The following DARS1 variants were observed in gnomAD, a reference collection of about 807,000 sequenced individuals.
DARS1 encodes aspartate--tRNA ligase, cytoplasmic.
In DARS1, 51 loss-of-function variants were observed where a neutral mutation model predicts 68.8. That is an observed-to-expected ratio of 0.74 (90% CI 0.59 to 0.94). DARS1 has a LOEUF of 0.94. DARS1 is among the 40% of genes least tolerant of loss of function. The pLI is 0.00. For synonymous variants in DARS1, 203 were observed against 190.4 expected, an observed-to-expected ratio of 1.07 and a Z score of -0.55; for missense variants, 607 against 597.3, an observed-to-expected ratio of 1.02 and a Z score of -0.17.
chr2:135,927,285 A>G (rs1681240891), intron 7 of DARS1, among the ~76,000 whole-genome samples: 1 of 152,150 alleles, frequency 6.6e-6, no homozygotes, highest in South Asian at 2.1e-4. Flanking sequence ...ATCTATCTCA[A>G]ATTAAATGCT....
At chr2:135,978,737 C>T (rs1311110993) in intron 3 of DARS1, among the ~76,000 whole-genome samples, 5 of 152,110 alleles carry the variant, frequency 3.3e-5, no homozygotes, top group African/African-American at 4.8e-5. Context: ...AAATGGGAGC[C>T]GTTAGCCACA....
chr2:135,943,302 C>T (rs920663158), intron 5 of DARS1, 76 bp downstream of exon 5: 47 of 1,540,246 alleles, frequency 3.1e-5, no homozygotes, highest in Non-Finnish European at 4.1e-5. Flanking sequence ...TTAGTAAGAA[C>T]ATATAAATTT....
chr2:135,920,529 A>G lies in DARS1; in HGVS notation c.883T>C (p.Phe295Leu). 1.2e-6 allele frequency: 2 copies of G among 1,613,834 alleles called. No homozygotes were observed. Among genetic ancestry groups the G allele is most frequent in the East Asian group, 4.5e-5 (2 of 44,804 alleles). Residue 295 changes from phenylalanine to leucine, a missense_variant, in exon 10 of 16, where the codon TTT becomes CTT. Phe to Leu is a conservative substitution (Grantham distance 22). Transcript: ENST00000264161. The part of the protein sequence containing the change: ...EFVGLDIEMA[F>L]NYHYHEVMEE... ...ATAACTTCGTGGTAATGGTAATTAA[A>G]AGCCATTTCAATGTCCAAACCAACA...
At chr2:135,909,099 C>T (rs1680846077) in intron 15 of DARS1, among the ~76,000 whole-genome samples, 1 of 131,134 alleles carries the variant, frequency 7.6e-6, no homozygotes, top group Middle Eastern at 3.9e-3. Context: ...CACATGGACA[C>T]AGGGAGGGGA....
At chr2:135,907,786 T>C (rs1480335618) in intron 15 of DARS1, among the ~76,000 whole-genome samples, 1 of 152,220 alleles carries the variant, frequency 6.6e-6, no homozygotes, top group Non-Finnish European at 1.5e-5. Flanking sequence ...ATGAGAGCCA[T>C]AAACTTGCTT....
At chr2:135,931,312 C>T (rs1681343490) in intron 7 of DARS1, among the ~76,000 whole-genome samples, 1 of 152,178 alleles carries the variant, frequency 6.6e-6, no homozygotes, top group African/African-American at 2.4e-5. Context: ...ACATAGCTCA[C>T]TGCAGACTCA....
chr2:135,977,598 GTGAC>G (rs923194187), intron 3 of DARS1, among the ~76,000 whole-genome samples: 9 of 152,166 alleles, frequency 5.9e-5, no homozygotes, highest in Non-Finnish European at 1.2e-4. Context: ...ATAATACAAT[GTGAC>G]TGACTATTGG....
intron 5 of DARS1, among the ~76,000 whole-genome samples, chr2:135,937,898 A>G (rs1681505402): frequency 2.0e-5 from 3 of 152,156 alleles, no homozygotes; most frequent in Admixed American, 1.3e-4. Context: ...GGGTAACCCG[A>G]GCTTTCTCTC....
At chr2:135,955,705 T>TTTTTTTTA (rs1553446835) in intron 4 of DARS1, among the ~76,000 whole-genome samples, 1 of 123,446 alleles carries the variant, frequency 8.1e-6, no homozygotes, top group African/African-American at 3.3e-5. Context: ...TTTTTTTTTT[T>TTTTTTTTA]AGACAGGGTC....
At chr2:135,958,782 G>GTGCCAAAAGTTTAATAATAGTTATC (rs1269277046) in intron 4 of DARS1, among the ~76,000 whole-genome samples, 2 of 152,016 alleles carry the variant, frequency 1.3e-5, no homozygotes, top group African/African-American at 4.8e-5. Context: ...TAACATGCTA[G>GTGCCAAAAGTTTAATAATAGTTATC]TGCCAAAAGT....
chr2:135,911,685 T>G (rs1273539716), intron 13 of DARS1, 192 bp from the exon 14 acceptor site: 1 of 473,782 alleles, frequency 2.1e-6, no homozygotes, highest in East Asian at 3.6e-5. Context: ...TCAGATTCTG[T>G]GCTCTCCTCC....
intron 3 of DARS1, among the ~76,000 whole-genome samples, chr2:135,966,371 T>G (rs974426166): frequency 8.5e-5 from 13 of 152,194 alleles, no homozygotes; most frequent in African/African-American, 3.1e-4. Flanking sequence ...AGTAAAAAGT[T>G]CTCACTTGAA....
intron 4 of DARS1, among the ~76,000 whole-genome samples, chr2:135,960,905 C>G (rs1014743523): frequency 2.0e-5 from 3 of 152,166 alleles, no homozygotes; most frequent in South Asian, 2.1e-4. Context: ...TCTCCTAAAC[C>G]CTTTTGGTGT....
At chr2:135,939,891 TA>T (rs1411002632) in intron 5 of DARS1, among the ~76,000 whole-genome samples, 9 of 152,052 alleles carry the variant, frequency 5.9e-5, no homozygotes, top group African/African-American at 1.7e-4. Flanking sequence ...TCTATGCAAA[TA>T]AACTAGAAAG....
intron 2 of DARS1, among the ~76,000 whole-genome samples, chr2:135,981,484 A>G (rs1682631237): frequency 6.6e-6 from 1 of 152,178 alleles, no homozygotes; most frequent in Admixed American, 6.5e-5. Context: ...GGAGATGCTC[A>G]TCGGAGGATT....
At position 135,944,213 on chromosome 2, in the gene DARS1, A is replaced by G. The variant is rs560098392; in HGVS notation, c.321-733T>C. Among the ~76,000 whole-genome samples the G allele has an allele frequency of 2.0e-5, 3 of 152,336 alleles. 1 individual carries two copies. The South Asian group carries it at 6.2e-4, about 32-fold the overall frequency. On this transcript the variant is annotated intron_variant, in intron 4 of 15. Transcript: ENST00000264161. Reference sequence around the variant, plus strand: ...TTATTTTTTTAATCACTAGTACATAACCAAGGAAGAAAATGTATACTCCAA... The same window carrying G: ...TTATTTTTTTAATCACTAGTACATAGCCAAGGAAGAAAATGTATACTCCAA...
chr2:135,935,432 TAA>T (rs11340194), intron 5 of DARS1, among the ~76,000 whole-genome samples: 1 of 149,654 alleles, frequency 6.7e-6, no homozygotes, highest in South Asian at 2.1e-4. Context: ...CCATCTCTAC[TAA>T]AAAAAAATAC....
intron 7 of DARS1, among the ~76,000 whole-genome samples, chr2:135,932,225 G>A (rs1187303517): frequency 6.6e-6 from 1 of 152,096 alleles, no homozygotes; most frequent in Non-Finnish European, 1.5e-5. Flanking sequence ...TATTAAGAAA[G>A]ATGCAATGGT....
At chr2:135,914,587 T>C in intron 11 of DARS1, 76 bp from the exon 12 acceptor site, 2 of 894,046 alleles carry the variant, frequency 2.2e-6, no homozygotes, top group East Asian at 2.4e-5. Flanking sequence ...CTTCTTCTAT[T>C]TGAGTTTCTC....
Sources: gnomAD v4.1 joint callset for allele counts (sites outside exome capture counted in the v4.1 genomes callset) on GRCh38, gnomAD v4.1.1 for gene constraint, MANE v1.5 for transcripts, NCBI Gene and HGNC (gene_info 2026-07-23, HGNC 2026-07-21) for gene names.